Variants in GRIN2A observed in about 807,000 individuals in gnomAD.
GRIN2A encodes the protein glutamate receptor ionotropic, NMDA 2A.
Under a neutral mutation model 113.4 loss-of-function variants are expected in GRIN2A, and 22 were observed. The ratio of observed to expected loss-of-function variants is 0.19; its 90% CI spans 0.14 to 0.28. GRIN2A has a LOEUF of 0.28. Ranked by LOEUF, GRIN2A falls within the 10% of genes least tolerant of loss-of-function variation. GRIN2A has a pLI of 1.00. For synonymous variants in GRIN2A, 827 were observed against 738.4 expected (o/e 1.12, Z -1.94); for missense variants, 1,502 against 1,887.0 (o/e 0.80, Z 3.78).
At chr16:9,821,071 T>C (rs1596463275) in intron 10 of GRIN2A, among the ~76,000 whole-genome samples, 2 of 151,984 alleles carry the variant, frequency 1.3e-5, no homozygotes, top group Middle Eastern at 3.4e-3. Flanking sequence ...GGGGCCTCTG[T>C]CTCCCCCTAC....
intron 2 of GRIN2A, among the ~76,000 whole-genome samples, chr16:10,118,384 C>T (rs766186728): frequency 5.9e-5 from 9 of 152,106 alleles, no homozygotes; most frequent in African/African-American, 7.2e-5. Context: ...TAGTTTTTCC[C>T]GCCCCGATAC....
chr16:10,001,090 C>A (rs941623083), intron 2 of GRIN2A, among the ~76,000 whole-genome samples: 1 of 152,180 alleles, frequency 6.6e-6, no homozygotes, highest in East Asian at 1.9e-4. Context: ...TACCCGTGGG[C>A]CCCAATTGTC....
intron 2 of GRIN2A, among the ~76,000 whole-genome samples, chr16:10,032,332 C>T (rs763954646): frequency 5.9e-5 from 9 of 152,168 alleles, no homozygotes; most frequent in East Asian, 1.9e-4. Context: ...CAACAATTGG[C>T]GCACACTGTA....
chr16:10,030,655 T>A (rs1266784911), intron 2 of GRIN2A, among the ~76,000 whole-genome samples: 1 of 152,220 alleles, frequency 6.6e-6, no homozygotes, highest in East Asian at 1.9e-4. Flanking sequence ...GTTTTTTACA[T>A]TGATGAGTTA....
chr16:9,811,640 G>A (rs2042089082), intron 10 of GRIN2A, among the ~76,000 whole-genome samples: 1 of 152,222 alleles, frequency 6.6e-6, no homozygotes, highest in Middle Eastern at 3.4e-3. Context: ...CACATTTGTG[G>A]TCCCAGTACT....
intron 2 of GRIN2A, among the ~76,000 whole-genome samples, chr16:10,063,587 C>T (rs753591566): frequency 2.0e-5 from 3 of 152,054 alleles, no homozygotes; most frequent in Non-Finnish European, 4.4e-5. Context: ...TGTCATAAAC[C>T]ACCAAACTGA....
rs150580569 is a variant in GRIN2A, at chr16:9,767,593, A to C, written c.2595+1258T>G. ...AAAAAAACAAACAAAAACAAAAAAA[A>C]ACACAAACAAAACAAAAAAACAAAC... On this transcript the variant is annotated intron_variant, in intron 12 of 12. Coordinates refer to ENST00000330684, the MANE Select transcript of GRIN2A (RefSeq NM_001134407.3). 3.9e-3 allele frequency among the ~76,000 whole-genome samples: 598 copies of C among 152,216 alleles called. 2 individuals are homozygous for C. The highest frequency in any genetic ancestry group is 0.013 in the African/African-American group (526 of 41,554).
At chr16:10,131,527 C>A (rs1358360921) in intron 2 of GRIN2A, among the ~76,000 whole-genome samples, 1 of 151,618 alleles carries the variant, frequency 6.6e-6, no homozygotes, top group African/African-American at 2.4e-5. Context: ...GGACAGAGAG[C>A]ACCTCTGCTC....
chr16:10,180,190 C>T lies in GRIN2A; in HGVS notation c.222G>A (p.Met74Ile), dbSNP rs553783914. Residue 74 changes from methionine to isoleucine, a missense_variant, in exon 2 of 13, where the codon ATG becomes ATA. Met to Ile is a conservative substitution (Grantham distance 10). Transcript: ENST00000330684. This position sits in a 1 kb window ranked among gnomAD's most constrained non-coding sequence, Gnocchi z 7.0. Reference sequence around the variant, plus strand: ...TGAGGCTCTTGGGGTCGGTGCGGTTCATCAGCAGAGCTACCACGTTCACGT... The same window carrying T: ...TGAGGCTCTTGGGGTCGGTGCGGTTTATCAGCAGAGCTACCACGTTCACGT... ...PLDVNVVALLMNRTDPKSLIT... is the reference protein window; with the variant it reads ...PLDVNVVALLINRTDPKSLIT... The T allele has an allele frequency of 1.9e-5, 31 of 1,614,064 alleles. No homozygotes were observed. Among genetic ancestry groups the T allele is most frequent in the Non-Finnish European group, 2.6e-5 (31 of 1,180,050 alleles).
chr16:9,864,318 G>A (rs150046767), intron 4 of GRIN2A, among the ~76,000 whole-genome samples: 2 of 152,166 alleles, frequency 1.3e-5, no homozygotes, highest in African/African-American at 4.8e-5. Context: ...CTGTGATCCT[G>A]GGCTGACAGC....
chr16:9,827,310 T>G (rs1346027694), intron 9 of GRIN2A, among the ~76,000 whole-genome samples: 2 of 152,204 alleles, frequency 1.3e-5, no homozygotes, highest in Non-Finnish European at 2.9e-5. Context: ...ACCACCCGCT[T>G]TAGGCGGGGA....
At chr16:10,038,070 C>G (rs1050052508) in intron 2 of GRIN2A, among the ~76,000 whole-genome samples, 1 of 145,260 alleles carries the variant, frequency 6.9e-6, no homozygotes, top group Non-Finnish European at 1.5e-5. Context: ...ATAAACTGCG[C>G]GTAAAAACAA....
chr16:10,044,022 T>TATATATATAGAGAGAGAGAG (rs531659457), intron 2 of GRIN2A, among the ~76,000 whole-genome samples: 1 of 108,012 alleles, frequency 9.3e-6, no homozygotes, highest in African/African-American at 3.9e-5. Context: ...TATATATATA[T>TATATATATAGAGAGAGAGAG]AGAGAGAGAG....
chr16:10,118,690 A>C (rs949104989), intron 2 of GRIN2A, among the ~76,000 whole-genome samples: 2 of 152,166 alleles, frequency 1.3e-5, no homozygotes, highest in African/African-American at 2.4e-5. Context: ...GCTCCATCTT[A>C]AACTGTGCAG....
chr16:9,779,098 C>A (rs762274324), intron 11 of GRIN2A, among the ~76,000 whole-genome samples: 6 of 152,178 alleles, frequency 3.9e-5, no homozygotes, highest in African/African-American at 1.2e-4. Flanking sequence ...AAGGGAATAG[C>A]GTGCGGGTCA....
At chr16:10,118,568 T>A (rs1301337585) in intron 2 of GRIN2A, among the ~76,000 whole-genome samples, 1 of 152,162 alleles carries the variant, frequency 6.6e-6, no homozygotes, top group African/African-American at 2.4e-5. Context: ...GGTAGGTAAT[T>A]AGGATATAGA....
intron 1 of GRIN2A, 124 bp downstream of exon 1, chr16:10,181,753 T>C (rs781721652): frequency 6.5e-6 from 1 of 152,832 alleles, no homozygotes; most frequent in Non-Finnish European, 1.5e-5. Context: ...CCTCCTGCAC[T>C]TCGCCGCTGG....
chr16:9,843,089 G>T (rs566644202), intron 5 of GRIN2A, among the ~76,000 whole-genome samples: 1 of 151,724 alleles, frequency 6.6e-6, no homozygotes, highest in South Asian at 2.1e-4. Context: ...AAGAGAGAAA[G>T]AAAGAGAAAG....
chr16:9,983,865 C>T (rs1159901265), intron 2 of GRIN2A, among the ~76,000 whole-genome samples: 1 of 152,214 alleles, frequency 6.6e-6, no homozygotes, highest in Non-Finnish European at 1.5e-5. Context: ...ATAAACATGG[C>T]AGTGGGTAAA....
Sources: gnomAD v4.1 joint callset for allele counts (sites outside exome capture counted in the v4.1 genomes callset) on GRCh38, gnomAD v4.1.1 for gene constraint, Gnocchi (gnomAD v3.1) non-coding constraint, MANE v1.5 for transcripts, NCBI Gene and HGNC (gene_info 2026-07-23, HGNC 2026-07-21) for gene names.